The following TMEM14C variants were observed in gnomAD, a reference collection of about 807,000 sequenced individuals.
The protein encoded by TMEM14C is chromosome 6 open reading frame 53.
Under a neutral mutation model 14.8 loss-of-function variants are expected in TMEM14C, and 13 were observed. The ratio of observed to expected loss-of-function variants is 0.88; its 90% CI spans 0.57 to 1.40. TMEM14C has a LOEUF of 1.40. Among genes scored for constraint, TMEM14C ranks in the 40% most tolerant of loss-of-function variants. The probability of loss-of-function intolerance (pLI) is 0.00; values close to 1 mark genes in which losing one functional copy is unlikely to be tolerated. For synonymous variants in TMEM14C, 57 were observed against 51.3 expected (o/e 1.11, Z -0.48); for missense variants, 142 against 138.8 (o/e 1.02, Z -0.12).
At position 10,728,676 on chromosome 6, in the gene TMEM14C, G is replaced by T; in HGVS notation, c.236G>T (p.Arg79Met). The change falls in exon 5 of 6, where the codon AGG (arginine) becomes ATG (methionine). Residue 79 changes from arginine (R) to methionine (M), a missense_variant. Arg to Met is a moderately conservative substitution (Grantham distance 91). Coordinates refer to ENST00000229563, the MANE Select transcript of TMEM14C (RefSeq NM_016462.4). Reference protein sequence around the residue: ...SGTLAGIMGMRFYHSGKFMPA... With the variant: ...SGTLAGIMGMMFYHSGKFMPA... ...ACCTTGGCTGGCATTATGGGAATGA[G>T]GTTCTACCACTCTGGAAAATTCATG... 6.2e-7 allele frequency: 1 copy of T among 1,614,174 alleles called. No individual in the cohort carries two copies. Among genetic ancestry groups the T allele is most frequent in the South Asian group, 1.1e-5 (1 of 91,082 alleles).
At position 10,730,911 on chromosome 6, in the gene TMEM14C, T is replaced by A; in HGVS notation, c.*245T>A. Reference sequence around the variant, plus strand: ...GCTTGATTCTTGTATATTGATGTTGTCTTTTCTTTCTGTATCTGTAGGTAA... The same window carrying A: ...GCTTGATTCTTGTATATTGATGTTGACTTTTCTTTCTGTATCTGTAGGTAA... On this transcript the variant is annotated 3_prime_UTR_variant, in exon 6 of 6. Transcript: ENST00000229563. The A allele has an allele frequency of 8.8e-7, 1 of 1,131,470 alleles. No individual in the cohort carries two copies. The highest frequency in any genetic ancestry group is 1.1e-6 in the Non-Finnish European group (1 of 923,044). 70.1% of individuals were successfully genotyped at this position (1,131,470 alleles called of 1,614,324 possible). A position where few individuals can be genotyped will look rare whatever the true frequency, so the allele number is the denominator to read the frequency against.
intron 5 of TMEM14C, 64 bp downstream of exon 5, chr6:10,728,791 T>C: frequency 1.1e-5 from 17 of 1,609,610 alleles, no homozygotes; most frequent in Non-Finnish European, 1.4e-5. Context: ...GGATACCTTA[T>C]GCATTCAAAA....
At position 10,724,598 on chromosome 6, in the gene TMEM14C, G is replaced by A. The variant is rs369111353; in HGVS notation, c.-16G>A. On this transcript the variant is annotated 5_prime_UTR_variant, in exon 2 of 6. Transcript: ENST00000229563. The stretch of plus-strand genomic sequence containing the variant: ...CAGGCCTGGGGTAGTCTCCTGTCTG[G>A]ACAGAGAAGAGAAAAATGCAGGACA... 1.9e-6 allele frequency: 3 copies of A among 1,612,730 alleles called. No individual in the cohort carries two copies. In the African/African-American group the frequency reaches 4.0e-5, roughly 22 times the overall value.
At chr6:10,730,539 C>T (rs1581601532) in intron 5 of TMEM14C, 76 bp from the exon 6 acceptor site, 1 of 1,405,796 alleles carries the variant, frequency 7.1e-7, no homozygotes, top group Admixed American at 1.8e-5. Context: ...GAGGAACCAG[C>T]AGTTTAGTTC....
intron 4 of TMEM14C, among the ~76,000 whole-genome samples, chr6:10,726,642 G>GATC (rs1319881876): frequency 2.6e-5 from 4 of 152,272 alleles, no homozygotes; most frequent in Admixed American, 1.3e-4. Flanking sequence ...GTTGAGCTGA[G>GATC]ATCACACCAC....
At chr6:10,724,772 A>G in intron 2 of TMEM14C, 139 bp downstream of exon 2, 1 of 1,335,364 alleles carries the variant, frequency 7.5e-7, no homozygotes, top group South Asian at 1.2e-5. Flanking sequence ...GTGGGCCAGA[A>G]ACTTGGGTTT....
At chr6:10,727,733 A>G (rs1201247871) in intron 4 of TMEM14C, among the ~76,000 whole-genome samples, 1 of 151,740 alleles carries the variant, frequency 6.6e-6, no homozygotes, top group East Asian at 2.0e-4. Context: ...AGACTTGAGA[A>G]TTGCTTGATC....
intron 4 of TMEM14C, among the ~76,000 whole-genome samples, chr6:10,727,566 C>G (rs767194589): frequency 2.0e-5 from 3 of 152,094 alleles, no homozygotes; most frequent in Non-Finnish European, 4.4e-5. Flanking sequence ...TCTGTAACTC[C>G]TGACTTCAGG....
intron 1 of TMEM14C, among the ~76,000 whole-genome samples, chr6:10,724,006 G>C (rs1290169853): frequency 6.6e-6 from 1 of 152,168 alleles, no homozygotes; most frequent in African/African-American, 2.4e-5. Flanking sequence ...TTTTCCAAGG[G>C]TGTAGTGTCA....
Position 10,724,208 on chromosome 6 carries a change from G to A in TMEM14C, c.-44-362G>A, listed in dbSNP as rs111262907. On this transcript the variant is annotated intron_variant, in intron 1 of 5. Coordinates refer to ENST00000229563, the MANE Select transcript of TMEM14C (RefSeq NM_016462.4). ...TTAAAGTAGTTGGATTAAGGGCACG[G>A]GAGTATTTGCTTTTGAATTTAGTGA... Among the ~76,000 whole-genome samples, 40 of 152,294 alleles carry A rather than the reference G, an allele frequency of 2.6e-4. 1 individual carries two copies. Among genetic ancestry groups the A allele is most frequent in the African/African-American group, 8.9e-4 (37 of 41,570 alleles).
At chr6:10,724,735 A>G (rs1770805434) in intron 2 of TMEM14C, 102 bp downstream of exon 2, 2 of 1,369,306 alleles carry the variant, frequency 1.5e-6, no homozygotes, top group East Asian at 2.3e-5. Flanking sequence ...CTGGGATGGC[A>G]TGGGGGATGG....
intron 4 of TMEM14C, among the ~76,000 whole-genome samples, chr6:10,726,406 C>T (rs191677132): frequency 3.0e-4 from 45 of 152,292 alleles, no homozygotes; most frequent in African/African-American, 1.0e-3. Flanking sequence ...TAGCAGTTAG[C>T]TAAATGTGAC....
chr6:10,727,828 A>T (rs527790757), intron 4 of TMEM14C, among the ~76,000 whole-genome samples: 45 of 138,046 alleles, frequency 3.3e-4, no homozygotes, highest in African/African-American at 8.3e-4. Flanking sequence ...CTCAAAAATT[A>T]AAAAAAAAAA....
Position 10,725,906 on chromosome 6 carries a change from G to T in TMEM14C, c.98-1G>T. 1 of 1,613,568 alleles carries T rather than the reference G, an allele frequency of 6.2e-7. No homozygotes were observed. The highest frequency in any genetic ancestry group is 2.2e-5 in the East Asian group (1 of 44,870). On this transcript the variant is annotated splice_acceptor_variant, in intron 3 of 5. Transcript: ENST00000229563. LOFTEE classifies it high-confidence loss of function. ...TGCAAGCTGTGTTTGCTTCCCTCTA[G>T]GCAGCGTGCCGTCCCTGGCTGCAGG...
At chr6:10,727,907 A>G (rs188522323) in intron 4 of TMEM14C, among the ~76,000 whole-genome samples, 4 of 152,122 alleles carry the variant, frequency 2.6e-5, no homozygotes, top group Admixed American at 2.6e-4. Flanking sequence ...TACGATGAAA[A>G]CCCAAACCCC....
intron 1 of TMEM14C, among the ~76,000 whole-genome samples, chr6:10,723,804 A>T (rs532418935): frequency 6.6e-6 from 1 of 152,070 alleles, no homozygotes; most frequent in South Asian, 2.1e-4. Flanking sequence ...GGGTTTCACT[A>T]TGTTGGCCAG....
intron 4 of TMEM14C, among the ~76,000 whole-genome samples, chr6:10,728,088 C>T (rs147929831): frequency 5.3e-5 from 8 of 152,328 alleles, no homozygotes; most frequent in African/African-American, 1.9e-4. Context: ...TCCTTCAGCT[C>T]ATTAATTCCT....
Position 10,728,925 on chromosome 6 carries a change from C to T in TMEM14C, c.287+198C>T, listed in dbSNP as rs572724043. 60 of 1,294,338 alleles carry T rather than the reference C, an allele frequency of 4.6e-5. No homozygotes were observed. The African/African-American group carries it at 5.9e-4, about 13-fold the overall frequency. 80.2% of individuals were successfully genotyped at this position (1,294,338 alleles called of 1,614,324 possible). A position where few individuals can be genotyped will look rare whatever the true frequency, so the allele number is the denominator to read the frequency against. ...AAATGGCATGAGTATATCCATTCAC[C>T]GTGGAAATGGGTTTGTTCTCATATT... is the stretch of plus-strand genomic sequence containing the variant. On this transcript the variant is annotated intron_variant, in intron 5 of 5. Transcript: ENST00000229563.
At chr6:10,726,711 A>G (rs1212044405) in intron 4 of TMEM14C, among the ~76,000 whole-genome samples, 1 of 152,186 alleles carries the variant, frequency 6.6e-6, no homozygotes, top group Non-Finnish European at 1.5e-5. Flanking sequence ...AAACATAGGC[A>G]TAGAAGCAGG....
Sources: allele counts gnomAD v4.1 joint callset (sites outside exome capture counted in the v4.1 genomes callset), GRCh38; gene constraint gnomAD v4.1.1; transcripts MANE v1.5; gene names NCBI Gene and HGNC (gene_info 2026-07-23, HGNC 2026-07-21).